SPCS2: variants seen among roughly 807,000 people sequenced by gnomAD.
SPCS2 encodes the protein signal peptidase complex subunit 2.
Under a neutral mutation model 22.3 loss-of-function variants are expected in SPCS2, and 3 were observed. That is an observed-to-expected ratio of 0.13 (90% CI 0.06 to 0.35). The LOEUF (loss-of-function observed/expected upper bound fraction) is 0.35, where lower values mean the gene tolerates loss of function less well. SPCS2 is among the 10% of genes least tolerant of loss of function. SPCS2 has a pLI of 1.00. For synonymous variants in SPCS2, 67 were observed against 97.2 expected, an observed-to-expected ratio of 0.69 and a Z score of 1.83; for missense variants, 169 against 280.9, an observed-to-expected ratio of 0.60 and a Z score of 2.85.
intron 1 of SPCS2, among the ~76,000 whole-genome samples, chr11:74,957,937 G>A (rs911717074): frequency 6.6e-6 from 1 of 152,294 alleles, no homozygotes; most frequent in Non-Finnish European, 1.5e-5. Flanking sequence ...AAAATACTTC[G>A]TTGTTGGAGC....
chr11:74,965,534 C>G (rs1292362566), intron 2 of SPCS2, among the ~76,000 whole-genome samples: 1 of 152,092 alleles, frequency 6.6e-6, no homozygotes, highest in Non-Finnish European at 1.5e-5. Flanking sequence ...AACATTTTAG[C>G]TGTGGGAAAA....
intron 1 of SPCS2, among the ~76,000 whole-genome samples, chr11:74,951,280 C>G (rs980368976): frequency 1.3e-5 from 2 of 151,972 alleles, no homozygotes; most frequent in Non-Finnish European, 2.9e-5. Context: ...TGGGAAGAAC[C>G]AAGTAAGACA....
chr11:74,976,374 G>A (rs1273964738), intron 4 of SPCS2, among the ~76,000 whole-genome samples: 2 of 152,198 alleles, frequency 1.3e-5, no homozygotes, highest in African/African-American at 2.4e-5. Flanking sequence ...CATATGACAG[G>A]AGGTCAGTAT....
intron 4 of SPCS2, among the ~76,000 whole-genome samples, chr11:74,974,902 C>T (rs942174007): frequency 1.3e-5 from 2 of 152,168 alleles, no homozygotes; most frequent in South Asian, 2.1e-4. Context: ...GTATGAGCCA[C>T]GGCACCCGGC....
chr11:74,949,798 A>G, intron 1 of SPCS2: 4 of 370,742 alleles, frequency 1.1e-5, no homozygotes, highest in Non-Finnish European at 1.6e-5. Flanking sequence ...TACCACCATC[A>G]CCCTTGCGTG....
At chr11:74,957,569 C>G (rs1008641099) in intron 1 of SPCS2, among the ~76,000 whole-genome samples, 2 of 152,232 alleles carry the variant, frequency 1.3e-5, no homozygotes, top group African/African-American at 4.8e-5. Flanking sequence ...CAGCATCCCT[C>G]TCTCTTCCAA....
At chr11:74,952,896 A>G (rs1431375011) in intron 1 of SPCS2, among the ~76,000 whole-genome samples, 1 of 152,190 alleles carries the variant, frequency 6.6e-6, no homozygotes, top group Non-Finnish European at 1.5e-5. Context: ...TGCACATGGG[A>G]ATTAAGCTGT....
At chr11:74,961,089 A>G (rs1948511486) in intron 1 of SPCS2, among the ~76,000 whole-genome samples, 2 of 152,136 alleles carry the variant, frequency 1.3e-5, no homozygotes, top group Admixed American at 6.5e-5. Flanking sequence ...CTGAGAATAC[A>G]AAAGTGTATA....
chr11:74,961,445 C>T (rs1435095700), intron 1 of SPCS2, among the ~76,000 whole-genome samples: 1 of 152,124 alleles, frequency 6.6e-6, no homozygotes, highest in African/African-American at 2.4e-5. Context: ...TAAGGATTCA[C>T]CTTATTGGGT....
intron 1 of SPCS2, among the ~76,000 whole-genome samples, chr11:74,961,748 G>A (rs1045235987): frequency 6.6e-6 from 1 of 151,870 alleles, no homozygotes; most frequent in Non-Finnish European, 1.5e-5. Flanking sequence ...GGCTGGTCTC[G>A]GACTCCTAAC....
chr11:74,974,318 A>G (rs975980427), intron 4 of SPCS2, among the ~76,000 whole-genome samples: 11 of 152,204 alleles, frequency 7.2e-5, no homozygotes, highest in African/African-American at 2.2e-4. Context: ...TGAACTCTAA[A>G]TATATTCTGG....
chr11:74,967,521 G>A (rs1192498565), intron 3 of SPCS2, among the ~76,000 whole-genome samples: 2 of 152,146 alleles, frequency 1.3e-5, no homozygotes, highest in African/African-American at 2.4e-5. Context: ...AGGCCAAGGC[G>A]GGCGAATCAC....
At position 74,969,175 on chromosome 11, in the gene SPCS2, C is replaced by A. The variant is rs546851714; in HGVS notation, c.360-390C>A. On this transcript the variant is annotated intron_variant, in intron 3 of 4. Coordinates refer to ENST00000263672, the MANE Select transcript of SPCS2 (RefSeq NM_014752.3). The stretch of plus-strand genomic sequence containing the variant: ...GGTCACTTTTCTTCTCTTAATAACC[C>A]TTAAAATCAGTTGAACATGGTCAAG... Among the ~76,000 whole-genome samples the A allele has an allele frequency of 2.2e-3, 329 of 152,252 alleles. 1 individual carries two copies. Among genetic ancestry groups the A allele is most frequent in the Non-Finnish European group, 4.3e-3 (289 of 67,996 alleles).
chr11:74,968,000 A>G (rs1479886971), intron 3 of SPCS2, among the ~76,000 whole-genome samples: 1 of 152,176 alleles, frequency 6.6e-6, no homozygotes, highest in Non-Finnish European at 1.5e-5. Flanking sequence ...TGATAATTCT[A>G]AAACATCAGT....
chr11:74,951,460 T>G (rs765520908), intron 1 of SPCS2, among the ~76,000 whole-genome samples: 1 of 152,150 alleles, frequency 6.6e-6, no homozygotes, highest in Non-Finnish European at 1.5e-5. Context: ...AAGTGTGTAC[T>G]TGTTACGGAA....
chr11:74,949,837 C>T (rs927442574), intron 1 of SPCS2, among the ~76,000 whole-genome samples: 1 of 152,154 alleles, frequency 6.6e-6, no homozygotes, highest in African/African-American at 2.4e-5. Context: ...TGCTTCTTGT[C>T]CTTTTGCTTA....
rs1397419552 is a variant in SPCS2 at position 74,965,683 on chromosome 11, T to C, written c.199-80T>C. 9.5e-6 allele frequency: 12 copies of C among 1,256,844 alleles called. No individual in the cohort carries two copies. The Admixed American group carries it at 1.1e-4, about 12-fold the overall frequency. 77.9% of individuals were successfully genotyped at this position (1,256,844 alleles called of 1,614,324 possible). A position where few individuals can be genotyped will look rare whatever the true frequency, so the allele number is the denominator to read the frequency against. ...CTACTTGGTAATTCATATGATTCTT[T>C]TATCATGGAAATCAAGAATAAAAGC... On this transcript the variant is annotated intron_variant, in intron 2 of 4. Coordinates refer to ENST00000263672, the MANE Select transcript of SPCS2 (RefSeq NM_014752.3).
At chr11:74,968,307 AT>A (rs1948559058) in intron 3 of SPCS2, 1 of 151,864 alleles carries the variant, frequency 6.6e-6, no homozygotes, top group African/African-American at 2.4e-5. Flanking sequence ...CATGAAATTT[AT>A]TTTTATTTTA....
chr11:74,977,176 A>T lies in SPCS2; in HGVS notation c.*133A>T. ...AGTCCCTGTTTTGTCCTGAAATTTTAGTCTATTCTGGGTAAATAGGATTTT... is the reference window on the plus strand; with the variant it reads ...AGTCCCTGTTTTGTCCTGAAATTTTTGTCTATTCTGGGTAAATAGGATTTT... On this transcript the variant is annotated 3_prime_UTR_variant, in exon 5 of 5. Transcript: ENST00000263672. 1 of 1,363,146 alleles carries T rather than the reference A, an allele frequency of 7.3e-7. No individual in the cohort carries two copies. Among genetic ancestry groups the T allele is most frequent in the East Asian group, 2.6e-5 (1 of 38,354 alleles). The allele number at this position is 1,363,146 out of a possible 1,614,324, so 84.4% of individuals were successfully genotyped here.
Sources: allele counts gnomAD v4.1 joint callset (sites outside exome capture counted in the v4.1 genomes callset), GRCh38; gene constraint gnomAD v4.1.1; transcripts MANE v1.5; gene names NCBI Gene and HGNC (gene_info 2026-07-23, HGNC 2026-07-21).